Variants in TRAPPC10 observed in about 807,000 individuals in gnomAD.
TRAPPC10 encodes trafficking protein particle complex subunit 10.
Under a neutral mutation model 125.5 loss-of-function variants are expected in TRAPPC10, and 23 were observed. The ratio of observed to expected loss-of-function variants is 0.18; its 90% CI spans 0.13 to 0.26. The LOEUF is 0.26. Ranked by LOEUF, TRAPPC10 falls within the 10% of genes least tolerant of loss-of-function variation. The probability of loss-of-function intolerance (pLI) is 1.00; values close to 1 mark genes in which losing one functional copy is unlikely to be tolerated. For missense variants in TRAPPC10, 1,123 were observed against 1,308.4 expected, an observed-to-expected ratio of 0.86 and a Z score of 2.19; for synonymous variants, 509 against 518.0, an observed-to-expected ratio of 0.98 and a Z score of 0.24.
chr21:44,065,663 C>T (rs779530538), intron 7 of TRAPPC10, among the ~76,000 whole-genome samples: 3 of 152,222 alleles, frequency 2.0e-5, no homozygotes, highest in African/African-American at 4.8e-5. Flanking sequence ...CAGCTGGCTG[C>T]GCCTCCTTAC....
chr21:44,095,146 C>T (rs1005409738), intron 20 of TRAPPC10, among the ~76,000 whole-genome samples: 2 of 150,608 alleles, frequency 1.3e-5, no homozygotes, highest in Non-Finnish European at 3.0e-5. Context: ...ACCTTCTGGG[C>T]TCATTATCTT....
At position 44,055,773 on chromosome 21, in the gene TRAPPC10, C is replaced by T. The variant is rs1233460778; in HGVS notation, c.558C>T (p.Leu186=). The T allele has an allele frequency of 6.2e-7, 1 of 1,613,820 alleles. No homozygotes were observed. Among genetic ancestry groups the T allele is most frequent in the African/African-American group, 1.3e-5 (1 of 74,898 alleles). Residue 186 remains leucine (L), a synonymous_variant, in exon 5 of 23, where the codon CTC becomes CTT. Transcript: ENST00000291574. ...CCTGGAATGCCTTCCTGACCAAACT[C>T]AGGACATTGCTTCTTATGTCTTTTA... ...QESWNAFLTK[L]RTLLLMSFTK...
Position 44,059,265 on chromosome 21 carries a change from C to A in TRAPPC10, c.790+51C>A. 7.3e-7 allele frequency: 1 copy of A among 1,374,424 alleles called. No homozygotes were observed. The highest frequency in any genetic ancestry group is 1.0e-6 in the Non-Finnish European group (1 of 991,508). The allele number at this position is 1,374,424 out of a possible 1,614,324, so 85.1% of individuals were successfully genotyped here. A position where few individuals can be genotyped will look rare whatever the true frequency, so the allele number is the denominator to read the frequency against. On this transcript the variant is annotated intron_variant, in intron 6 of 22. Transcript: ENST00000291574. This position sits in a 1 kb window ranked among gnomAD's most constrained non-coding sequence, Gnocchi z 4.4. The stretch of plus-strand genomic sequence containing the variant: ...ATGCTTTTCTTAGTGTGGCTTTCTC[C>A]AACTTCAGATAGGCTTGAAGCAGCC...
intron 14 of TRAPPC10, 69 bp from the exon 15 acceptor site, chr21:44,084,053 G>A (rs2037947514): frequency 1.1e-5 from 18 of 1,588,076 alleles, no homozygotes; most frequent in East Asian, 2.2e-5. Flanking sequence ...CCGCTGCACC[G>A]CGCTACCGCA....
chr21:44,047,529 A>AGT lies in TRAPPC10; in HGVS notation c.286-4750_286-4749dup, dbSNP rs775813570. On this transcript the variant is annotated intron_variant, in intron 3 of 22. Transcript: ENST00000291574. ...TTTTCTGTTGCACCCTCTCTGGGGG[A>AGT]GTATGTGTGTGTGTGTGTGTGTGTG... 7.0e-3 allele frequency among the ~76,000 whole-genome samples: 727 copies of AGT among 104,456 alleles called. 3 individuals carry two copies. The highest frequency in any genetic ancestry group is 0.017 in the African/African-American group (274 of 15,824). 68.5% of individuals were successfully genotyped at this position (104,456 alleles called of 152,430 possible).
chr21:44,025,491 A>G (rs1186264055), intron 1 of TRAPPC10, among the ~76,000 whole-genome samples: 1 of 152,180 alleles, frequency 6.6e-6, no homozygotes, highest in East Asian at 1.9e-4. Flanking sequence ...TTATATTCAG[A>G]TGCATTTATC....
At chr21:44,092,715 G>C (rs1273386133) in intron 19 of TRAPPC10, among the ~76,000 whole-genome samples, 1 of 152,148 alleles carries the variant, frequency 6.6e-6, no homozygotes, top group African/African-American at 2.4e-5. Context: ...CCCTGCATTA[G>C]GTTGTGCTGG....
Position 44,074,792 on chromosome 21 carries a change from T to TA in TRAPPC10, c.1186-246dup, listed in dbSNP as rs142981661. Among the ~76,000 whole-genome samples, 344 of 152,270 alleles carry TA rather than the reference T, an allele frequency of 2.3e-3. 1 individual carries two copies. Among genetic ancestry groups the TA allele is most frequent in the African/African-American group, 8.0e-3 (332 of 41,570 alleles). ...GTGTGTGCAGCAGGTAGGCTGGGCT[T>TA]ATGCAGGTGCAGGCGTAGCCTGGGG... is the stretch of plus-strand genomic sequence containing the variant. On this transcript the variant is annotated intron_variant, in intron 8 of 22. Coordinates refer to ENST00000291574, the MANE Select transcript of TRAPPC10 (RefSeq NM_003274.5).
intron 17 of TRAPPC10, 132 bp from the exon 18 acceptor site, chr21:44,089,701 A>G (rs2038441166): frequency 2.9e-6 from 2 of 686,934 alleles, no homozygotes; most frequent in South Asian, 3.1e-5. Context: ...CTTCCTGGAT[A>G]ATGAGTGGTT....
chr21:44,039,279 G>C (rs1244883764), intron 3 of TRAPPC10, among the ~76,000 whole-genome samples: 1 of 152,236 alleles, frequency 6.6e-6, no homozygotes, highest in Non-Finnish European at 1.5e-5. Flanking sequence ...GCGCCTGCAA[G>C]GGCCTTCTGC....
rs141026723 is a variant in TRAPPC10 at position 44,089,850 on chromosome 21, G to A, written c.2787G>A (p.Pro929=). 22 of 1,613,660 alleles carry A rather than the reference G, an allele frequency of 1.4e-5. No homozygotes were observed. The African/African-American group carries it at 1.5e-4, about 11-fold the overall frequency. ...CTCCTCAGGTGTCGATTGACTGCCC[G>A]TGGTCCATCTACTCCACAGTCATCG... ...TTDHKVSIDC[P]WSIYSTVIAL... Residue 929 remains proline, a synonymous_variant, in exon 18 of 23, where the codon CCG becomes CCA. Coordinates refer to ENST00000291574, the MANE Select transcript of TRAPPC10 (RefSeq NM_003274.5).
intron 4 of TRAPPC10, among the ~76,000 whole-genome samples, chr21:44,053,395 A>G (rs184447779): frequency 1.5e-3 from 235 of 152,318 alleles, no homozygotes; most frequent in African/African-American, 5.3e-3. Flanking sequence ...GATTTTCCAC[A>G]AACAATAAAT....
intron 1 of TRAPPC10, among the ~76,000 whole-genome samples, chr21:44,017,901 C>T (rs2032052155): frequency 6.6e-6 from 1 of 152,030 alleles, no homozygotes; most frequent in South Asian, 2.1e-4. Flanking sequence ...TTGCTGTTTC[C>T]CTCATAAATT....
At chr21:44,016,332 T>G (rs1290156220) in intron 1 of TRAPPC10, among the ~76,000 whole-genome samples, 1 of 152,262 alleles carries the variant, frequency 6.6e-6, no homozygotes, top group Non-Finnish European at 1.5e-5. Flanking sequence ...TCCAGCCATC[T>G]CATTCAGTTA....
chr21:44,060,499 C>G (rs983541960), intron 6 of TRAPPC10, among the ~76,000 whole-genome samples: 19 of 152,118 alleles, frequency 1.2e-4, no homozygotes, highest in Non-Finnish European at 1.0e-4. Context: ...CCAGGATGGT[C>G]TCGATCTCCT....
Position 44,087,561 on chromosome 21 carries a change from C to T in TRAPPC10, c.2540-138C>T. 1.4e-6 allele frequency: 1 copy of T among 733,070 alleles called. No individual in the cohort carries two copies. The highest frequency in any genetic ancestry group is 1.7e-5 in the South Asian group (1 of 59,182). The allele number at this position is 733,070 out of a possible 1,614,324, so 45.4% of individuals were successfully genotyped here. ...GCTGCTCTGTCCTAGGGGCCTTGTT[C>T]TTGGGTTTGCCTGCCAGGTGCGCAG... is the stretch of plus-strand genomic sequence containing the variant. On this transcript the variant is annotated intron_variant, in intron 16 of 22. Coordinates refer to ENST00000291574, the MANE Select transcript of TRAPPC10 (RefSeq NM_003274.5). This position sits in a 1 kb window ranked among gnomAD's most constrained non-coding sequence, Gnocchi z 4.6.
chr21:44,070,754 A>C (rs1426314431), intron 7 of TRAPPC10, among the ~76,000 whole-genome samples: 1 of 152,196 alleles, frequency 6.6e-6, no homozygotes, highest in Non-Finnish European at 1.5e-5. Flanking sequence ...TGGGTAAAAT[A>C]AGCCAGGGTG....
At position 44,050,026 on chromosome 21, in the gene TRAPPC10, C is replaced by T. The variant is rs371493670; in HGVS notation, c.286-2254C>T. 1.4e-4 allele frequency among the ~76,000 whole-genome samples: 21 copies of T among 152,030 alleles called. No homozygotes were observed. In the East Asian group the frequency reaches 3.7e-3, roughly 27 times the overall value. On this transcript the variant is annotated intron_variant, in intron 3 of 22. Coordinates refer to ENST00000291574, the MANE Select transcript of TRAPPC10 (RefSeq NM_003274.5). The stretch of plus-strand genomic sequence containing the variant: ...TCCTGGGTAGCTGGGACTACAGGCG[C>T]CCACCACCACGCATGGCTATTTTTC...
At chr21:44,041,082 C>T (rs2034382710) in intron 3 of TRAPPC10, among the ~76,000 whole-genome samples, 1 of 152,016 alleles carries the variant, frequency 6.6e-6, no homozygotes, top group African/African-American at 2.4e-5. Context: ...TTGTTTTATG[C>T]TCTTTTTATG....
Sources: allele counts gnomAD v4.1 joint callset (sites outside exome capture counted in the v4.1 genomes callset), GRCh38; gene constraint gnomAD v4.1.1; non-coding constraint Gnocchi (gnomAD v3.1); transcripts MANE v1.5; gene names NCBI Gene and HGNC (gene_info 2026-07-23, HGNC 2026-07-21).